KCNH7: variants seen among roughly 807,000 people sequenced by gnomAD.
KCNH7 encodes the protein voltage-gated inwardly rectifying potassium channel KCNH7.
Under a neutral mutation model 120.8 loss-of-function variants are expected in KCNH7, and 49 were observed. The observed-to-expected ratio is 0.41, with a 90% CI of 0.32 to 0.51. KCNH7 has a LOEUF of 0.51. Ranked by LOEUF, KCNH7 falls within the 20% of genes least tolerant of loss-of-function variation. KCNH7 has a pLI of 0.38. For synonymous variants in KCNH7, 547 were observed against 516.1 expected (o/e 1.06, Z -0.81); for missense variants, 1,097 against 1,446.6 (o/e 0.76, Z 3.92).
At chr2:162,543,174 G>A (rs1246543730) in intron 2 of KCNH7, among the ~76,000 whole-genome samples, 6 of 152,132 alleles carry the variant, frequency 3.9e-5, no homozygotes, top group South Asian at 4.1e-4. Flanking sequence ...AATGTATATA[G>A]AAGCATTATA....
At chr2:162,569,866 C>G (rs201639659) in intron 2 of KCNH7, among the ~76,000 whole-genome samples, 555 of 99,514 alleles carry the variant, frequency 5.6e-3, no homozygotes, top group African/African-American at 0.011. Flanking sequence ...ATCCTGAGTT[C>G]TAGTTTCATT....
At position 162,422,768 on chromosome 2, in the gene KCNH7, A is replaced by G. The variant is rs377713942; in HGVS notation, c.2154+568T>C. Among the ~76,000 whole-genome samples, 35 of 152,188 alleles carry G rather than the reference A, an allele frequency of 2.3e-4. 1 individual carries two copies. The highest frequency in any genetic ancestry group is 7.2e-4 in the African/African-American group (30 of 41,454). On this transcript the variant is annotated intron_variant, in intron 9 of 15. Transcript: ENST00000332142. ...TATTTCCCCTTGAAAGGAAAGACGC[A>G]TTAAACCAGGTACAGTAAAAGGGCA...
Position 162,522,078 on chromosome 2 carries a change from C to T in KCNH7, c.464-3920G>A, listed in dbSNP as rs943710521. Among the ~76,000 whole-genome samples, 4 of 151,902 alleles carry T rather than the reference C, an allele frequency of 2.6e-5. No individual in the cohort carries two copies. In the South Asian group the frequency reaches 8.3e-4, roughly 31 times the overall value. On this transcript the variant is annotated intron_variant, in intron 3 of 15. Transcript: ENST00000332142. ...GCGCAAATAAGATTAAGTAACAGTG[C>T]ATCGTGACAACTGTTTTGCAAGCAT...
chr2:162,443,549 C>G (rs1045019115), intron 7 of KCNH7, among the ~76,000 whole-genome samples: 8 of 152,198 alleles, frequency 5.3e-5, no homozygotes, highest in Non-Finnish European at 2.9e-5. Flanking sequence ...CCATTCAATA[C>G]TTAATCCATC....
intron 2 of KCNH7, among the ~76,000 whole-genome samples, chr2:162,601,573 T>G (rs988472148): frequency 1.3e-5 from 2 of 151,936 alleles, no homozygotes; most frequent in Admixed American, 1.3e-4. Context: ...ACATTTTGCT[T>G]GGACTATCAA....
chr2:162,465,473 A>G (rs1057221412), intron 6 of KCNH7, among the ~76,000 whole-genome samples: 1 of 152,200 alleles, frequency 6.6e-6, no homozygotes, highest in African/African-American at 2.4e-5. Context: ...CACTTATTAT[A>G]CAGGCAATTG....
chr2:162,795,854 G>T (rs1684127575), intron 2 of KCNH7: 1 of 151,996 alleles, frequency 6.6e-6, no homozygotes, highest in Non-Finnish European at 1.5e-5. Flanking sequence ...AACAAATCTA[G>T]GAGAATAGGG....
At chr2:162,531,818 AC>A (rs1372398884) in intron 3 of KCNH7, among the ~76,000 whole-genome samples, 2 of 151,970 alleles carry the variant, frequency 1.3e-5, no homozygotes, top group African/African-American at 4.8e-5. Flanking sequence ...ATTTAGACAT[AC>A]CTAAGGAAAA....
chr2:162,386,822 A>G (rs1686587549), intron 12 of KCNH7, among the ~76,000 whole-genome samples: 1 of 151,744 alleles, frequency 6.6e-6, no homozygotes, highest in Non-Finnish European at 1.5e-5. Context: ...TTTACCTACC[A>G]TGCTGGGCTT....
rs142362185 is a variant in KCNH7, at chr2:162,800,365, G to T, written c.307+36172C>A. ...AATCCCCACTAATACCTGGGGATTT[G>T]CCAGGTCTTTTTACTGAAAGTCTTG... On this transcript the variant is annotated intron_variant, in intron 2 of 15. Transcript: ENST00000332142. 3.3e-3 allele frequency among the ~76,000 whole-genome samples: 500 copies of T among 151,734 alleles called. 4 individuals are homozygous for T. Among genetic ancestry groups the T allele is most frequent in the African/African-American group, 0.011 (467 of 41,460 alleles).
At chr2:162,805,706 C>A (rs1684514358) in intron 2 of KCNH7, among the ~76,000 whole-genome samples, 1 of 152,022 alleles carries the variant, frequency 6.6e-6, no homozygotes, top group African/African-American at 2.4e-5. Flanking sequence ...GTAGATTTAC[C>A]ATTCAATCCA....
chr2:162,693,947 A>T (rs1686201270), intron 2 of KCNH7, among the ~76,000 whole-genome samples: 2 of 152,212 alleles, frequency 1.3e-5, no homozygotes, highest in South Asian at 4.1e-4. Flanking sequence ...TATTGTTGTT[A>T]AATTTAAATG....
At chr2:162,445,927 C>T (rs1688560673) in intron 7 of KCNH7, 91 bp downstream of exon 7, 1 of 974,912 alleles carries the variant, frequency 1.0e-6, no homozygotes, top group East Asian at 2.6e-5. Flanking sequence ...ATACAAGAAG[C>T]TTGCAAAGCA....
chr2:162,483,272 T>C (rs1404701275), intron 6 of KCNH7, among the ~76,000 whole-genome samples: 1 of 152,190 alleles, frequency 6.6e-6, no homozygotes, highest in African/African-American at 2.4e-5. Context: ...TCAATATTTG[T>C]CATTATAATC....
chr2:162,691,162 A>T (rs1048413614), intron 2 of KCNH7, among the ~76,000 whole-genome samples: 1 of 152,198 alleles, frequency 6.6e-6, no homozygotes, highest in Non-Finnish European at 1.5e-5. Context: ...AGATTAAATG[A>T]CTATACACCT....
At chr2:162,513,495 TTCCTTC>T (rs1691183453) in intron 4 of KCNH7, among the ~76,000 whole-genome samples, 1 of 142,312 alleles carries the variant, frequency 7.0e-6, no homozygotes, top group East Asian at 2.3e-4. Flanking sequence ...CCTTCCTTCC[TTCCTTC>T]CTTCTTTCCT....
At chr2:162,504,123 T>A (rs948602291) in intron 6 of KCNH7, among the ~76,000 whole-genome samples, 1 of 151,970 alleles carries the variant, frequency 6.6e-6, no homozygotes, top group Non-Finnish European at 1.5e-5. Context: ...TAAAAAACCA[T>A]GTTTTAATAA....
chr2:162,828,035 G>A (rs564646467), intron 2 of KCNH7, among the ~76,000 whole-genome samples: 3 of 151,972 alleles, frequency 2.0e-5, no homozygotes, highest in East Asian at 1.9e-4. Flanking sequence ...ATAAATGTAC[G>A]GCTAAAGATC....
intron 2 of KCNH7, chr2:162,768,976 G>A (rs879932597): frequency 4.6e-5 from 7 of 152,228 alleles, no homozygotes; most frequent in Admixed American, 3.9e-4. Context: ...CTGGTGGCAG[G>A]GATATTATGG....
Sources: allele counts gnomAD v4.1 joint callset (sites outside exome capture counted in the v4.1 genomes callset), GRCh38; gene constraint gnomAD v4.1.1; transcripts MANE v1.5; gene names NCBI Gene and HGNC (gene_info 2026-07-23, HGNC 2026-07-21).